The following NAALADL2 variants were observed in gnomAD, a reference collection of about 807,000 sequenced individuals.
NAALADL2 encodes the protein N-acetylated alpha-linked acidic dipeptidase like 2.
A neutral mutation model predicts 87.2 loss-of-function variants in NAALADL2; 76 were observed. The observed-to-expected ratio is 0.87, with a 90% CI of 0.72 to 1.05. The LOEUF is 1.05. NAALADL2 is among the 50% of genes least tolerant of loss of function. The pLI is 0.00. For synonymous variants in NAALADL2, 354 were observed against 331.0 expected (o/e 1.07, Z -0.75); for missense variants, 1,089 against 945.8 (o/e 1.15, Z -1.99).
intron 10 of NAALADL2, among the ~76,000 whole-genome samples, chr3:175,594,364 T>C (rs1344305765): frequency 6.6e-6 from 1 of 152,182 alleles, no homozygotes; most frequent in African/African-American, 2.4e-5. Flanking sequence ...TTCCATTGTA[T>C]ATATATACCA....
At chr3:175,362,499 G>T (rs924586077) in intron 5 of NAALADL2, among the ~76,000 whole-genome samples, 3 of 148,112 alleles carry the variant, frequency 2.0e-5, no homozygotes, top group Non-Finnish European at 4.5e-5. Context: ...CTATCCATGA[G>T]CATGGAATGT....
intron 11 of NAALADL2, among the ~76,000 whole-genome samples, chr3:175,703,629 G>A (rs548050575): frequency 6.6e-6 from 1 of 152,172 alleles, no homozygotes; most frequent in African/African-American, 2.4e-5. Context: ...TGTAATCCCA[G>A]CTACTCGGGA....
At chr3:175,582,633 T>G (rs1171309833) in intron 10 of NAALADL2, among the ~76,000 whole-genome samples, 1 of 152,200 alleles carries the variant, frequency 6.6e-6, no homozygotes, top group East Asian at 1.9e-4. Flanking sequence ...TAACAGATAT[T>G]TGTTATTTAG....
At chr3:175,184,990 T>C (rs1196167073) in intron 2 of NAALADL2, among the ~76,000 whole-genome samples, 2 of 152,130 alleles carry the variant, frequency 1.3e-5, no homozygotes, top group African/African-American at 4.8e-5. Context: ...TGAGGACTCC[T>C]GTTTCTTTTG....
At chr3:175,051,263 C>A (rs1193734470) in intron 1 of NAALADL2, among the ~76,000 whole-genome samples, 1 of 152,132 alleles carries the variant, frequency 6.6e-6, no homozygotes, top group Admixed American at 6.5e-5. Context: ...TGCTGCATAA[C>A]AAATGAACAC....
At chr3:174,646,677 T>A (rs1723818431) in intron 2 of NAALADL2, among the ~76,000 whole-genome samples, 1 of 152,128 alleles carries the variant, frequency 6.6e-6, no homozygotes, top group Non-Finnish European at 1.5e-5. Context: ...ACAGTAACTT[T>A]TCTTTATGAC....
At chr3:174,642,397 A>G (rs564678185) in intron 2 of NAALADL2, among the ~76,000 whole-genome samples, 76 of 151,412 alleles carry the variant, frequency 5.0e-4, no homozygotes, top group African/African-American at 1.7e-3. Context: ...GCTACTCGCG[A>G]GGCTGAGGCA....
intron 6 of NAALADL2, 142 bp downstream of exon 6, chr3:175,447,514 G>A (rs1720896874): frequency 1.9e-6 from 1 of 534,924 alleles, no homozygotes; most frequent in South Asian, 5.8e-5. Context: ...TTTCTTCTGT[G>A]GCTCTTTAGC....
chr3:175,059,624 AGTGCAT>A, intron 1 of NAALADL2: 1 of 359,002 alleles, frequency 2.8e-6, no homozygotes, highest in Admixed American at 3.4e-5. Flanking sequence ...AATGGCAACA[AGTGCAT>A]GTTTTTTGGC....
intron 11 of NAALADL2, among the ~76,000 whole-genome samples, chr3:175,726,238 G>T (rs1051454736): frequency 7.0e-6 from 1 of 142,398 alleles, no homozygotes; most frequent in African/African-American, 2.6e-5. Context: ...GTCACCAAAA[G>T]AGGAGAGCTA....
chr3:175,794,697 C>G (rs1478576501), intron 13 of NAALADL2, among the ~76,000 whole-genome samples: 1 of 152,152 alleles, frequency 6.6e-6, no homozygotes, highest in Admixed American at 6.5e-5. Context: ...CCTCTACAGT[C>G]CTCTGCTCTA....
chr3:175,108,358 C>T (rs1723590991), intron 2 of NAALADL2, among the ~76,000 whole-genome samples: 1 of 151,930 alleles, frequency 6.6e-6, no homozygotes, highest in Non-Finnish European at 1.5e-5. Context: ...ATCTAAATCA[C>T]AGAGAGCACC....
chr3:175,108,566 G>T (rs1723634656), intron 2 of NAALADL2, among the ~76,000 whole-genome samples: 1 of 151,774 alleles, frequency 6.6e-6, no homozygotes. Flanking sequence ...TATTTCTTTG[G>T]TCGGTTTCAT....
intron 10 of NAALADL2, among the ~76,000 whole-genome samples, chr3:175,577,030 A>G (rs1719005491): frequency 6.6e-6 from 1 of 152,132 alleles, no homozygotes; most frequent in Non-Finnish European, 1.5e-5. Flanking sequence ...GCATTGAGTA[A>G]TATTTGGCTT....
At chr3:175,311,015 G>A (rs565271119) in intron 4 of NAALADL2, among the ~76,000 whole-genome samples, 1 of 151,570 alleles carries the variant, frequency 6.6e-6, no homozygotes, top group East Asian at 1.9e-4. Context: ...AATATTGGCT[G>A]TGAGGAGTGG....
chr3:175,092,820 T>G (rs914108843), intron 1 of NAALADL2, among the ~76,000 whole-genome samples: 1 of 151,922 alleles, frequency 6.6e-6, no homozygotes, highest in African/African-American at 2.4e-5. Context: ...TGGACTTTGG[T>G]TGTAGGACTG....
At chr3:175,190,512 A>G (rs1737986534) in intron 2 of NAALADL2, among the ~76,000 whole-genome samples, 1 of 152,188 alleles carries the variant, frequency 6.6e-6, no homozygotes, top group Admixed American at 6.5e-5. Flanking sequence ...CACACCTGTT[A>G]GGATGTCTAT....
At chr3:175,289,540 C>G (rs763502085) in intron 4 of NAALADL2, among the ~76,000 whole-genome samples, 82 of 152,042 alleles carry the variant, frequency 5.4e-4, no homozygotes, top group African/African-American at 1.9e-3. Context: ...GCAGAAAACA[C>G]GTGAAAAAAC....
intron 3 of NAALADL2, among the ~76,000 whole-genome samples, chr3:174,834,285 A>G (rs567981717): frequency 6.8e-6 from 1 of 147,370 alleles, no homozygotes; most frequent in East Asian, 2.0e-4. Context: ...TATCACACCA[A>G]AATTGAAAAA....
Sources: allele counts gnomAD v4.1 joint callset (sites outside exome capture counted in the v4.1 genomes callset), GRCh38; gene constraint gnomAD v4.1.1; transcripts MANE v1.5; gene names NCBI Gene and HGNC (gene_info 2026-07-23, HGNC 2026-07-21).